The following MMADHC variants were observed in gnomAD, a reference collection of about 807,000 sequenced individuals.
The protein encoded by MMADHC is cobalamin trafficking protein CblD.
A neutral mutation model predicts 36.3 loss-of-function variants in MMADHC; 23 were observed. That is an observed-to-expected ratio of 0.63 (90% CI 0.46 to 0.90). The LOEUF (loss-of-function observed/expected upper bound fraction) is 0.90, where lower values mean the gene tolerates loss of function less well. Ranked by LOEUF, MMADHC falls within the 40% of genes least tolerant of loss-of-function variation. The probability of loss-of-function intolerance (pLI) is 0.00; values close to 1 mark genes in which losing one functional copy is unlikely to be tolerated. For synonymous variants in MMADHC, 97 were observed against 116.1 expected (o/e 0.84, Z 1.06); for missense variants, 330 against 348.0 (o/e 0.95, Z 0.41).
intron 4 of MMADHC, 136 bp from the exon 5 acceptor site, chr2:149,576,678 G>GT (rs1422553834): frequency 1.5e-6 from 1 of 661,742 alleles, no homozygotes; most frequent in Non-Finnish European, 2.7e-6. Flanking sequence ...GGGAGGTGAG[G>GT]TAATAACATT....
At chr2:149,572,240 G>A in intron 6 of MMADHC, 1 of 426,898 alleles carries the variant, frequency 2.3e-6, no homozygotes, top group Non-Finnish European at 4.6e-6. Flanking sequence ...TCGGGAGGCT[G>A]AAGCAGAAGA....
intron 3 of MMADHC, among the ~76,000 whole-genome samples, chr2:149,581,520 G>A (rs7580915): frequency 0.68 from 102,663 of 151,984 alleles, 37,600 homozygotes; most frequent in East Asian, 0.86. Context: ...AGCCTCCAAG[G>A]CAGGAATATG....
At chr2:149,584,081 T>C (rs919049183) in intron 2 of MMADHC, among the ~76,000 whole-genome samples, 4 of 152,154 alleles carry the variant, frequency 2.6e-5, no homozygotes, top group African/African-American at 9.7e-5. Context: ...GAAACAAAAA[T>C]GGTAATTATT....
At chr2:149,579,696 T>C in intron 3 of MMADHC, 48 bp from the exon 4 acceptor site, 1 of 1,446,188 alleles carries the variant, frequency 6.9e-7, no homozygotes, top group South Asian at 1.2e-5. Context: ...TAGTCAAGTA[T>C]ATTGGTAGAC....
intron 2 of MMADHC, among the ~76,000 whole-genome samples, chr2:149,586,724 CTG>C (rs1383435610): frequency 6.6e-6 from 1 of 151,718 alleles, no homozygotes; most frequent in Non-Finnish European, 1.5e-5. Context: ...AATATGGAAA[CTG>C]TTTTAAAAAA....
intron 1 of MMADHC, chr2:149,587,460 G>T: frequency 2.7e-6 from 1 of 368,656 alleles, no homozygotes; most frequent in Non-Finnish European, 5.0e-6. Context: ...TGCTTTAACA[G>T]AAGTTGGGGC....
chr2:149,570,436 G>A (rs946067887), intron 7 of MMADHC, among the ~76,000 whole-genome samples: 2 of 151,996 alleles, frequency 1.3e-5, no homozygotes, highest in African/African-American at 4.8e-5. Context: ...ATAAACCCTA[G>A]ACAATTATTT....
At chr2:149,570,995 T>A in intron 7 of MMADHC, 90 bp downstream of exon 7, 1 of 1,105,806 alleles carries the variant, frequency 9.0e-7, no homozygotes, top group Non-Finnish European at 1.4e-6. Flanking sequence ...TTTTAAAAAG[T>A]CTTAATCTAT....
At chr2:149,583,304 G>C (rs1038145415) in intron 2 of MMADHC, among the ~76,000 whole-genome samples, 3 of 152,126 alleles carry the variant, frequency 2.0e-5, no homozygotes, top group African/African-American at 7.2e-5. Flanking sequence ...GTAAAAATTT[G>C]CTTGGGAAAA....
intron 3 of MMADHC, among the ~76,000 whole-genome samples, chr2:149,580,471 TA>T (rs899386733): frequency 2.0e-4 from 31 of 151,806 alleles, no homozygotes; most frequent in Non-Finnish European, 1.3e-4. Flanking sequence ...CTTAAAACTT[TA>T]AAAAAAATCC....
At chr2:149,577,236 T>G (rs777109216) in intron 4 of MMADHC, among the ~76,000 whole-genome samples, 10 of 152,186 alleles carry the variant, frequency 6.6e-5, no homozygotes, top group Non-Finnish European at 1.2e-4. Context: ...ATGGTGATAT[T>G]TGAGCTACAA....
At chr2:149,581,208 T>C (rs545071370) in intron 3 of MMADHC, among the ~76,000 whole-genome samples, 17 of 152,326 alleles carry the variant, frequency 1.1e-4, no homozygotes, top group Middle Eastern at 3.4e-3. Flanking sequence ...TTCTGTTGGG[T>C]TATCTTTTCC....
At chr2:149,575,212 T>G (rs1682695173) in intron 6 of MMADHC, among the ~76,000 whole-genome samples, 1 of 152,330 alleles carries the variant, frequency 6.6e-6, no homozygotes, top group East Asian at 1.9e-4. Flanking sequence ...AAGCATACTT[T>G]AGGTTAAAAG....
At chr2:149,571,259 T>C in intron 6 of MMADHC, 88 bp from the exon 7 acceptor site, 1 of 824,720 alleles carries the variant, frequency 1.2e-6, no homozygotes, top group Non-Finnish European at 1.8e-6. Flanking sequence ...GACTATCTTG[T>C]TTCAGAAAAG....
intron 3 of MMADHC, among the ~76,000 whole-genome samples, chr2:149,580,768 C>T (rs1682782842): frequency 6.6e-6 from 1 of 152,120 alleles, no homozygotes; most frequent in African/African-American, 2.4e-5. Flanking sequence ...CCTGCTGAAC[C>T]CAGACAACGT....
intron 5 of MMADHC, 98 bp from the exon 6 acceptor site, chr2:149,575,939 AT>A: frequency 1.1e-6 from 1 of 923,386 alleles, no homozygotes; most frequent in South Asian, 1.7e-5. Flanking sequence ...AAAAATGCTG[AT>A]TAAGTAAAAT....
At chr2:149,582,082 T>C (rs750095124) in intron 3 of MMADHC, 45 bp downstream of exon 3, 1 of 1,606,082 alleles carries the variant, frequency 6.2e-7, no homozygotes, top group Non-Finnish European at 8.5e-7. Flanking sequence ...CAACTAAAAA[T>C]GTTTTGAAAC....
At chr2:149,578,217 A>T (rs767356054) in intron 4 of MMADHC, among the ~76,000 whole-genome samples, 1 of 152,202 alleles carries the variant, frequency 6.6e-6, no homozygotes, top group Non-Finnish European at 1.5e-5. Context: ...TCTGGCAAAG[A>T]ATTGAAAGGA....
intron 6 of MMADHC, among the ~76,000 whole-genome samples, chr2:149,573,426 C>T (rs1012822202): frequency 6.6e-6 from 1 of 152,126 alleles, no homozygotes; most frequent in Non-Finnish European, 1.5e-5. Context: ...AGCCCTTTGC[C>T]GCCTATAAAG....
Sources: allele counts gnomAD v4.1 joint callset (sites outside exome capture counted in the v4.1 genomes callset), GRCh38; gene constraint gnomAD v4.1.1; transcripts MANE v1.5; gene names NCBI Gene and HGNC (gene_info 2026-07-23, HGNC 2026-07-21).